ALG8: variants seen among roughly 807,000 people sequenced by gnomAD.
The protein encoded by ALG8 is dolichyl pyrophosphate Glc1Man9GlcNAc2 alpha-1,3-glucosyltransferase.
A neutral mutation model predicts 70.2 loss-of-function variants in ALG8; 48 were observed. That is an observed-to-expected ratio of 0.68 (90% CI 0.54 to 0.87). ALG8 has a LOEUF of 0.87. Ranked by LOEUF, ALG8 falls within the 40% of genes least tolerant of loss-of-function variation. ALG8 has a pLI of 0.00. For synonymous variants in ALG8, 234 were observed against 229.0 expected, an observed-to-expected ratio of 1.02 and a Z score of -0.20; for missense variants, 572 against 608.7, an observed-to-expected ratio of 0.94 and a Z score of 0.64.
intron 9 of ALG8, among the ~76,000 whole-genome samples, chr11:78,107,403 T>C (rs1860090790): frequency 6.9e-6 from 1 of 144,628 alleles, no homozygotes; most frequent in Non-Finnish European, 1.5e-5. Flanking sequence ...GTATTTTTAA[T>C]AGAGACGGGG....
At chr11:78,120,664 T>A (rs112352047) in intron 4 of ALG8, among the ~76,000 whole-genome samples, 13 of 152,208 alleles carry the variant, frequency 8.5e-5, no homozygotes, top group African/African-American at 3.1e-4. Flanking sequence ...TTTTAATATG[T>A]GGTAAGCCAA....
intron 1 of ALG8, among the ~76,000 whole-genome samples, chr11:78,136,613 C>T (rs576821707): frequency 6.6e-6 from 1 of 152,308 alleles, no homozygotes; most frequent in South Asian, 2.1e-4. Flanking sequence ...AATAGATGTG[C>T]TGTCATCCAG....
At chr11:78,104,223 G>T in intron 11 of ALG8, 133 bp downstream of exon 11, 1 of 1,000,500 alleles carries the variant, frequency 1.0e-6, no homozygotes, top group Non-Finnish European at 1.4e-6. Context: ...GGAAATTGGA[G>T]GTTTTATTTA....
In ALG8 at chr11:78,139,575, G is replaced by C. The variant is rs762536542; in HGVS notation, c.14C>G (p.Thr5Arg). The change falls in exon 1 of 13, where the codon ACA becomes AGA. Residue 5 changes from threonine to arginine, a missense_variant. Coordinates refer to ENST00000299626, the MANE Select transcript of ALG8 (RefSeq NM_024079.5). ...CCAATTGCCAGTACCCGTGGCAATTGTGAGCGCCGCCATTGCTGCGGCACC... is the reference window on the plus strand; with the variant it reads ...CCAATTGCCAGTACCCGTGGCAATTCTGAGCGCCGCCATTGCTGCGGCACC... MAALTIATGTGNWFS... is the reference protein window; with the variant it reads MAALRIATGTGNWFS... The C allele has an allele frequency of 2.8e-5, 44 of 1,556,644 alleles. 1 individual carries two copies. The South Asian group carries it at 5.1e-4, about 18-fold the overall frequency.
chr11:78,114,888 TC>T, intron 5 of ALG8: 1 of 241,684 alleles, frequency 4.1e-6, no homozygotes, highest in Non-Finnish European at 8.3e-6. Context: ...GGTGAGAGAA[TC>T]TGCTTTAGCC....
At chr11:78,132,929 C>T (rs373978885) in intron 1 of ALG8, among the ~76,000 whole-genome samples, 16 of 151,136 alleles carry the variant, frequency 1.1e-4, no homozygotes, top group Non-Finnish European at 2.1e-4. Context: ...CTCCGCCTTC[C>T]GGGTTCATGC....
intron 1 of ALG8, among the ~76,000 whole-genome samples, chr11:78,138,209 C>T (rs372205248): frequency 6.6e-5 from 10 of 152,024 alleles, no homozygotes; most frequent in South Asian, 4.2e-4. Context: ...ATTAGCCTGG[C>T]GCGGTGGTGC....
At chr11:78,129,938 G>A (rs1383839931) in intron 1 of ALG8, among the ~76,000 whole-genome samples, 2 of 152,088 alleles carry the variant, frequency 1.3e-5, no homozygotes, top group African/African-American at 2.4e-5. Context: ...ACTTAATGTT[G>A]AGTGAAAGCC....
chr11:78,113,202 T>G (rs1392270683), intron 7 of ALG8, among the ~76,000 whole-genome samples: 1 of 152,224 alleles, frequency 6.6e-6, no homozygotes, highest in Non-Finnish European at 1.5e-5. Context: ...GAACATCTGT[T>G]AAATTCTATG....
At chr11:78,107,330 C>T (rs1401842095) in intron 9 of ALG8, among the ~76,000 whole-genome samples, 1 of 148,596 alleles carries the variant, frequency 6.7e-6, no homozygotes, top group Non-Finnish European at 1.5e-5. Flanking sequence ...AAGCGATTTT[C>T]CTGCCTCAAC....
chr11:78,110,655 T>A (rs1320194600), intron 8 of ALG8, among the ~76,000 whole-genome samples: 1 of 152,138 alleles, frequency 6.6e-6, no homozygotes, highest in East Asian at 1.9e-4. Flanking sequence ...ATAAATCAAT[T>A]CAGAGAATGA....
chr11:78,123,977 T>C (rs1181503820), intron 3 of ALG8, 44 bp downstream of exon 3: 2 of 1,605,090 alleles, frequency 1.2e-6, no homozygotes, highest in Non-Finnish European at 1.7e-6. Flanking sequence ...CACTGTACTA[T>C]TTTTTCAATA....
intron 3 of ALG8, among the ~76,000 whole-genome samples, chr11:78,123,230 C>T (rs536585425): frequency 3.4e-5 from 5 of 145,878 alleles, no homozygotes; most frequent in East Asian, 2.1e-4. Context: ...TGCTTGAACC[C>T]GAGAGGCAGT....
intron 1 of ALG8, 29 bp from the exon 2 acceptor site, chr11:78,127,465 G>A (rs1196112108): frequency 1.3e-6 from 2 of 1,579,976 alleles, no homozygotes; most frequent in East Asian, 4.5e-5. Flanking sequence ...TAAATAAAAT[G>A]AGATTTTGCA....
At chr11:78,126,359 C>T (rs1467822604) in intron 2 of ALG8, among the ~76,000 whole-genome samples, 15 of 150,722 alleles carry the variant, frequency 1.0e-4, no homozygotes, top group Admixed American at 7.9e-4. Flanking sequence ...GGGGAAACCC[C>T]CTCTTTACTA....
Position 78,119,196 on chromosome 11 carries a change from C to T in ALG8, c.532G>A (p.Ala178Thr). The T allele has an allele frequency of 6.2e-7, 1 of 1,609,242 alleles. No homozygotes were observed. Among genetic ancestry groups the T allele is most frequent in the Non-Finnish European group, 8.5e-7 (1 of 1,175,896 alleles). Residue 178 changes from alanine to threonine, a missense_variant, in exon 5 of 13, where the codon GCA becomes ACA. Ala to Thr is a moderately conservative substitution (Grantham distance 58, BLOSUM62 0). Coordinates refer to ENST00000299626, the MANE Select transcript of ALG8 (RefSeq NM_024079.5). ...FLFGLMLLSI[A>T]RLFQKRHMEG... ...ATTATGTTTACCTGAAATAATCGTG[C>T]AATGGAGAGTAGCATTAATCCAAAT...
Position 78,114,711 on chromosome 11 carries a change from A to C in ALG8, c.547-319T>G, listed in dbSNP as rs60666410. 2.9e-3 allele frequency: 1,264 copies of C among 436,320 alleles called. 10 individuals carry two copies. Among genetic ancestry groups the C allele is most frequent in the African/African-American group, 0.024 (1,191 of 49,048 alleles). 27.0% of individuals were successfully genotyped at this position (436,320 alleles called of 1,614,324 possible). On this transcript the variant is annotated intron_variant, in intron 5 of 12. Transcript: ENST00000299626. Reference sequence around the variant, plus strand: ...CTAAGTGTGGTGACTCACACCTGCAATCCCAGCACTTTGGTAAGCCGACGT... The same window carrying C: ...CTAAGTGTGGTGACTCACACCTGCACTCCCAGCACTTTGGTAAGCCGACGT...
chr11:78,121,203 AAAC>A (rs757122764), intron 3 of ALG8, 29 bp from the exon 4 acceptor site: 1 of 1,511,068 alleles, frequency 6.6e-7, no homozygotes, highest in African/African-American at 1.4e-5. Context: ...AAAGAAACAG[AAAC>A]AACTTTGATC....
intron 5 of ALG8, 73 bp from the exon 6 acceptor site, chr11:78,114,465 T>C (rs570766855): frequency 6.4e-6 from 10 of 1,558,318 alleles, no homozygotes; most frequent in East Asian, 2.3e-5. Context: ...GTATTCTAGA[T>C]TGAATCCTGG....
Sources: allele counts gnomAD v4.1 joint callset (sites outside exome capture counted in the v4.1 genomes callset), GRCh38; gene constraint gnomAD v4.1.1; transcripts MANE v1.5; gene names NCBI Gene and HGNC (gene_info 2026-07-23, HGNC 2026-07-21).